NKAIN2: variants seen among roughly 807,000 people sequenced by gnomAD.
The protein encoded by NKAIN2 is sodium/potassium-transporting ATPase subunit beta-1-interacting protein 2.
In NKAIN2, 14 loss-of-function variants were observed where a neutral mutation model predicts 32.6. The observed-to-expected ratio is 0.43, with a 90% CI of 0.28 to 0.67. The LOEUF (loss-of-function observed/expected upper bound fraction) is 0.67. Among genes scored for constraint, NKAIN2 ranks in the 30% least tolerant of loss-of-function variants. The pLI is 0.17. For missense variants in NKAIN2, 198 were observed against 258.3 expected (o/e 0.77, Z 1.60); for synonymous variants, 80 against 87.2 (o/e 0.92, Z 0.46).
At chr6:124,244,425 A>C (rs1047509292) in intron 1 of NKAIN2, among the ~76,000 whole-genome samples, 1 of 151,714 alleles carries the variant, frequency 6.6e-6, no homozygotes, top group East Asian at 1.9e-4. Flanking sequence ...TGAACTCATC[A>C]TTTTTTATGG....
chr6:124,330,935 T>A (rs1364050611), intron 2 of NKAIN2, among the ~76,000 whole-genome samples: 5 of 152,112 alleles, frequency 3.3e-5, no homozygotes, highest in Non-Finnish European at 7.4e-5. Context: ...AAGTAATGGC[T>A]GATGATCTGA....
intron 1 of NKAIN2, among the ~76,000 whole-genome samples, chr6:124,023,219 C>T (rs962618226): frequency 1.3e-5 from 2 of 151,666 alleles, no homozygotes; most frequent in African/African-American, 4.8e-5. Context: ...CACACACACA[C>T]ACGCACACAC....
Position 124,824,436 on chromosome 6 carries a change from AGAGTGT to A in NKAIN2, c.*1208_*1213del, listed in dbSNP as rs1781512694. 1 of 152,132 alleles carries A rather than the reference AGAGTGT, an allele frequency of 6.6e-6. No individual in the cohort carries two copies. Among genetic ancestry groups the A allele is most frequent in the Non-Finnish European group, 1.5e-5 (1 of 68,008 alleles). 9.4% of individuals were successfully genotyped at this position (152,132 alleles called of 1,614,324 possible). On this transcript the variant is annotated 3_prime_UTR_variant, in exon 7 of 7. Transcript: ENST00000368417. ...GTATTTGGGGGATCTGTTGTGTGTT[AGAGTGT>A]ATTTCAACCCTCCTGTATTATTGTG...
chr6:123,984,384 A>G (rs1013577528), intron 1 of NKAIN2, among the ~76,000 whole-genome samples: 1 of 152,192 alleles, frequency 6.6e-6, no homozygotes, highest in Non-Finnish European at 1.5e-5. Context: ...ATGGAAGGCT[A>G]TTTATAACTT....
At chr6:124,761,575 A>C (rs1219222820) in intron 4 of NKAIN2, among the ~76,000 whole-genome samples, 1 of 152,196 alleles carries the variant, frequency 6.6e-6, no homozygotes, top group Non-Finnish European at 1.5e-5. Flanking sequence ...CAAATAGAAT[A>C]CTATAATGCC....
intron 3 of NKAIN2, among the ~76,000 whole-genome samples, chr6:124,407,208 ATTATAC>A (rs1019279413): frequency 6.6e-6 from 1 of 152,006 alleles, no homozygotes; most frequent in African/African-American, 2.4e-5. Context: ...TATTTTTATT[ATTATAC>A]TTTAAGTTTT....
intron 1 of NKAIN2, among the ~76,000 whole-genome samples, chr6:123,998,555 G>T (rs1455943268): frequency 1.3e-5 from 2 of 151,946 alleles, no homozygotes. Flanking sequence ...CTAAAATCAA[G>T]ACATCTTTCG....
At chr6:124,166,427 A>G (rs1788545756) in intron 1 of NKAIN2, among the ~76,000 whole-genome samples, 2 of 152,020 alleles carry the variant, frequency 1.3e-5, no homozygotes, top group Admixed American at 1.3e-4. Flanking sequence ...GCCCTTTGTC[A>G]GATGAGTAGG....
At chr6:123,881,685 G>A (rs967156226) in intron 1 of NKAIN2, among the ~76,000 whole-genome samples, 12 of 152,202 alleles carry the variant, frequency 7.9e-5, no homozygotes, top group Admixed American at 2.6e-4. Flanking sequence ...ATTTATCATA[G>A]TAATAAAAAA....
chr6:124,593,518 C>G (rs1781983880), intron 3 of NKAIN2, among the ~76,000 whole-genome samples: 1 of 151,990 alleles, frequency 6.6e-6, no homozygotes, highest in Non-Finnish European at 1.5e-5. Flanking sequence ...AGTGTGTGGA[C>G]CTTTAGGGAT....
At chr6:123,889,598 G>A (rs1464317420) in intron 1 of NKAIN2, among the ~76,000 whole-genome samples, 1 of 152,140 alleles carries the variant, frequency 6.6e-6, no homozygotes, top group East Asian at 1.9e-4. Context: ...TTTTAAATGA[G>A]TGTCCAACTT....
intron 2 of NKAIN2, among the ~76,000 whole-genome samples, chr6:124,315,282 G>C (rs534127297): frequency 6.6e-6 from 1 of 151,964 alleles, no homozygotes; most frequent in African/African-American, 2.4e-5. Flanking sequence ...TGGCCACAAA[G>C]TGACAAGAAT....
chr6:124,496,015 A>T (rs1409439604), intron 3 of NKAIN2, among the ~76,000 whole-genome samples: 2 of 152,140 alleles, frequency 1.3e-5, no homozygotes, highest in Admixed American at 1.3e-4. Flanking sequence ...AAACAAATTA[A>T]GATGCCGTGA....
intron 1 of NKAIN2, among the ~76,000 whole-genome samples, chr6:124,131,355 A>G (rs995680328): frequency 2.0e-5 from 3 of 152,156 alleles, no homozygotes; most frequent in African/African-American, 7.2e-5. Context: ...TGGCTTTACC[A>G]GGAGAAGATG....
At chr6:124,317,263 T>C (rs989502967) in intron 2 of NKAIN2, among the ~76,000 whole-genome samples, 1 of 152,144 alleles carries the variant, frequency 6.6e-6, no homozygotes, top group Non-Finnish European at 1.5e-5. Flanking sequence ...CTGTGGTCTT[T>C]TCTCAAGTTT....
intron 1 of NKAIN2, among the ~76,000 whole-genome samples, chr6:124,196,541 A>G (rs1020447605): frequency 6.6e-6 from 1 of 152,084 alleles, no homozygotes; most frequent in Non-Finnish European, 1.5e-5. Context: ...ATTAACACTG[A>G]AACAGGTTTC....
intron 3 of NKAIN2, among the ~76,000 whole-genome samples, chr6:124,405,623 TCCC>T (rs1192711253): frequency 4.0e-5 from 6 of 151,012 alleles, no homozygotes; most frequent in Non-Finnish European, 1.5e-5. Context: ...CAAGTTGTCC[TCCC>T]GACTCTGCCT....
chr6:124,484,833 G>A (rs1332958843), intron 3 of NKAIN2, among the ~76,000 whole-genome samples: 1 of 152,058 alleles, frequency 6.6e-6, no homozygotes, highest in Admixed American at 6.6e-5. Context: ...ATGCATGTGT[G>A]TATGTCCTGT....
chr6:124,628,999 G>A (rs1365158175), intron 3 of NKAIN2, among the ~76,000 whole-genome samples: 3 of 152,126 alleles, frequency 2.0e-5, no homozygotes, highest in South Asian at 2.1e-4. Context: ...AATGAGCTGA[G>A]TGTGCCCAGT....
Sources: gnomAD v4.1 joint callset for allele counts (sites outside exome capture counted in the v4.1 genomes callset) on GRCh38, gnomAD v4.1.1 for gene constraint, MANE v1.5 for transcripts, NCBI Gene and HGNC (gene_info 2026-07-23, HGNC 2026-07-21) for gene names.